The following SGCZ variants were observed in gnomAD, a reference collection of about 807,000 sequenced individuals.
SGCZ encodes zeta-sarcoglycan.
SGCZ carries 40 observed loss-of-function variants against 41.3 expected under a neutral mutation model. That is an observed-to-expected ratio of 0.97 (90% CI 0.75 to 1.26). The LOEUF (loss-of-function observed/expected upper bound fraction) is 1.26. Ranked by LOEUF, SGCZ falls within the 50% of genes most tolerant of loss-of-function variation. The probability of loss-of-function intolerance (pLI) is 0.00; values close to 1 mark genes in which losing one functional copy is unlikely to be tolerated. For synonymous variants in SGCZ, 206 were observed against 137.5 expected, an observed-to-expected ratio of 1.50 and a Z score of -3.49; for missense variants, 552 against 369.8, an observed-to-expected ratio of 1.49 and a Z score of -4.04.
chr8:14,617,471 T>C (rs895117610), intron 1 of SGCZ, among the ~76,000 whole-genome samples: 1 of 152,204 alleles, frequency 6.6e-6, no homozygotes, highest in Non-Finnish European at 1.5e-5. Flanking sequence ...ATTTAAGCTA[T>C]GTCCTTGGTC....
At chr8:14,387,560 C>T (rs1420633647) in intron 2 of SGCZ, among the ~76,000 whole-genome samples, 1 of 151,936 alleles carries the variant, frequency 6.6e-6, no homozygotes, top group Admixed American at 6.6e-5. Context: ...TATTATTCTG[C>T]TTTTAAGGTT....
chr8:15,134,012 G>A (rs1055071704), intron 1 of SGCZ, among the ~76,000 whole-genome samples: 1 of 151,976 alleles, frequency 6.6e-6, no homozygotes, highest in East Asian at 1.9e-4. Context: ...TAATATTAAC[G>A]ATTTATCAGC....
intron 4 of SGCZ, among the ~76,000 whole-genome samples, chr8:14,197,333 C>T (rs1401888387): frequency 6.6e-6 from 1 of 151,974 alleles, no homozygotes; most frequent in Non-Finnish European, 1.5e-5. Context: ...TACACAGCTA[C>T]AACAAGAAGG....
intron 1 of SGCZ, among the ~76,000 whole-genome samples, chr8:15,043,905 C>T (rs1804204996): frequency 6.6e-6 from 1 of 152,006 alleles, no homozygotes; most frequent in Non-Finnish European, 1.5e-5. Flanking sequence ...TATATAGGAT[C>T]TTGCTTTGGT....
At chr8:14,295,757 C>G (rs1381482046) in intron 3 of SGCZ, among the ~76,000 whole-genome samples, 1 of 152,100 alleles carries the variant, frequency 6.6e-6, no homozygotes, top group Non-Finnish European at 1.5e-5. Context: ...AATGTGAACG[C>G]CAAACACAGA....
At chr8:14,879,234 G>C (rs1037048687) in intron 1 of SGCZ, 1 of 152,124 alleles carries the variant, frequency 6.6e-6, no homozygotes, top group African/African-American at 2.4e-5. Context: ...AGGCTGAGGA[G>C]GGAGGATCTC....
intron 6 of SGCZ, 136 bp from the exon 7 acceptor site, chr8:14,102,635 G>C (rs1802069216): frequency 1.7e-5 from 14 of 808,720 alleles, no homozygotes; most frequent in Non-Finnish European, 2.3e-5. Flanking sequence ...TAAAGGAAAA[G>C]TCCTACCATT....
At chr8:14,942,046 T>C (rs1800292709) in intron 1 of SGCZ, among the ~76,000 whole-genome samples, 1 of 152,070 alleles carries the variant, frequency 6.6e-6, no homozygotes, top group Non-Finnish European at 1.5e-5. Flanking sequence ...GCCTCTGTAA[T>C]GGGTCAATAG....
At position 15,001,952 on chromosome 8, in the gene SGCZ, G is replaced by T. The variant is rs141387356; in HGVS notation, c.39+235633C>A. Among the ~76,000 whole-genome samples, 7 of 152,122 alleles carry T rather than the reference G, an allele frequency of 4.6e-5. No individual in the cohort carries two copies. In the East Asian group the frequency reaches 1.2e-3, roughly 25 times the overall value. On this transcript the variant is annotated intron_variant, in intron 1 of 7. Transcript: ENST00000382080. ...GATTCCTGATGATACCAGCTTTTGA[G>T]GGTTGAATAAAGAGCGAAGAAGATT...
chr8:14,874,258 A>C (rs935422537), intron 1 of SGCZ, among the ~76,000 whole-genome samples: 1 of 152,162 alleles, frequency 6.6e-6, no homozygotes, highest in Admixed American at 6.6e-5. Context: ...TGCTATAGTC[A>C]ATCTGACTGA....
intron 4 of SGCZ, among the ~76,000 whole-genome samples, chr8:14,188,338 T>A (rs1177738631): frequency 6.6e-6 from 1 of 152,172 alleles, no homozygotes; most frequent in Admixed American, 6.6e-5. Flanking sequence ...GGCAAATGGA[T>A]CCGTACAGTA....
intron 1 of SGCZ, among the ~76,000 whole-genome samples, chr8:15,067,651 A>T (rs1332749430): frequency 5.9e-5 from 9 of 152,314 alleles, no homozygotes; most frequent in African/African-American, 2.2e-4. Flanking sequence ...TTGATAAAAT[A>T]ATTCCACATT....
intron 1 of SGCZ, among the ~76,000 whole-genome samples, chr8:15,214,632 G>C (rs1241804816): frequency 2.0e-5 from 3 of 152,044 alleles, no homozygotes. Flanking sequence ...TGCAATCTCA[G>C]GCAGTTCCCT....
intron 2 of SGCZ, among the ~76,000 whole-genome samples, chr8:14,345,720 C>A (rs752084946): frequency 2.0e-4 from 30 of 152,086 alleles, no homozygotes; most frequent in Non-Finnish European, 3.4e-4. Context: ...CTAGCCTGGG[C>A]TAATCTACTA....
intron 4 of SGCZ, among the ~76,000 whole-genome samples, chr8:14,206,229 T>G (rs970039237): frequency 1.3e-5 from 2 of 152,176 alleles, no homozygotes; most frequent in African/African-American, 4.8e-5. Flanking sequence ...TATACTATCA[T>G]TACCTAGTCT....
intron 1 of SGCZ, among the ~76,000 whole-genome samples, chr8:15,129,077 C>T (rs1186277462): frequency 6.6e-6 from 1 of 152,172 alleles, no homozygotes; most frequent in Non-Finnish European, 1.5e-5. Context: ...ATAATCATCC[C>T]TTTCACCACT....
intron 2 of SGCZ, among the ~76,000 whole-genome samples, chr8:14,362,296 G>A (rs1053030194): frequency 6.6e-5 from 10 of 152,224 alleles, no homozygotes; most frequent in African/African-American, 2.4e-4. Flanking sequence ...GGAATCTAGA[G>A]AGGCAGTAGG....
intron 2 of SGCZ, among the ~76,000 whole-genome samples, chr8:14,391,712 G>C (rs1324810400): frequency 6.6e-6 from 1 of 152,052 alleles, no homozygotes; most frequent in Non-Finnish European, 1.5e-5. Context: ...GTTTTAGTTT[G>C]TTCTAATATT....
chr8:14,780,531 G>A (rs897776150), intron 1 of SGCZ, among the ~76,000 whole-genome samples: 1 of 151,982 alleles, frequency 6.6e-6, no homozygotes, highest in African/African-American at 2.4e-5. Flanking sequence ...GTAACAAAGA[G>A]GGCAGACACT....
Sources: gnomAD v4.1 joint callset for allele counts (sites outside exome capture counted in the v4.1 genomes callset) on GRCh38, gnomAD v4.1.1 for gene constraint, MANE v1.5 for transcripts, NCBI Gene and HGNC (gene_info 2026-07-23, HGNC 2026-07-21) for gene names.